Variants in ZNF483 observed in about 807,000 individuals in gnomAD.
ZNF483 encodes zinc finger protein HIT-10.
ZNF483 carries 9 observed loss-of-function variants against 28.6 expected under a neutral mutation model. The observed-to-expected ratio is 0.32, with a 90% CI of 0.19 to 0.55. The LOEUF is 0.55. ZNF483 is among the 20% of genes least tolerant of loss of function. ZNF483 has a pLI of 0.93. For synonymous variants in ZNF483, 322 were observed against 306.2 expected (o/e 1.05, Z -0.54); for missense variants, 675 against 871.7 (o/e 0.77, Z 2.84).
rs1380736759 is a variant in ZNF483, at chr9:111,545,895, G to A, written c.*2725G>A. ...AGTGTACAAGTCTTTGTGTGGACAT[G>A]TTTTCATTTTTCTTAGGCAGATGCC... On this transcript the variant is annotated 3_prime_UTR_variant, in exon 6 of 6. Coordinates refer to ENST00000309235, the MANE Select transcript of ZNF483 (RefSeq NM_133464.5). 6.6e-6 allele frequency among the ~76,000 whole-genome samples: 1 copy of A among 152,146 alleles called. No individual in the cohort carries two copies. The highest frequency in any genetic ancestry group is 1.5e-5 in the Non-Finnish European group (1 of 68,006).
rs571346579 is a variant in ZNF483 at position 111,526,042 on chromosome 9, C to T, written c.-129+780C>T. 2.0e-4 allele frequency among the ~76,000 whole-genome samples: 30 copies of T among 152,248 alleles called. 1 individual carries two copies. In the South Asian group the frequency reaches 6.0e-3, roughly 30 times the overall value. ...CAGCTCATGGCCCCTGGTCTCGTTC[C>T]AGCTCATTGTAGTTGCTCCGTCACT... On this transcript the variant is annotated intron_variant, in intron 1 of 5. Transcript: ENST00000309235.
intron 5 of ZNF483, among the ~76,000 whole-genome samples, chr9:111,561,424 C>A (rs1411664031): frequency 6.6e-6 from 1 of 151,976 alleles, no homozygotes; most frequent in Non-Finnish European, 1.5e-5. Context: ...TATAGGCACA[C>A]ACCATGCCCA....
chr9:111,561,179 A>AGAGAGAGAGAG (rs1828309828), intron 5 of ZNF483, among the ~76,000 whole-genome samples: 2 of 45,542 alleles, frequency 4.4e-5, no homozygotes, highest in South Asian at 6.8e-4. Context: ...GAGAGAGAGA[A>AGAGAGAGAGAG]AGAGAGAGAG....
chr9:111,536,454 A>G (rs1229928898), intron 5 of ZNF483, among the ~76,000 whole-genome samples: 1 of 152,066 alleles, frequency 6.6e-6, no homozygotes, highest in Non-Finnish European at 1.5e-5. Context: ...GAACCTGGGA[A>G]GTGGAGCTTG....
Position 111,552,732 on chromosome 9 carries a change from A to C in ZNF483, c.*9562A>C, listed in dbSNP as rs1291776355. On this transcript the variant is annotated 3_prime_UTR_variant, in exon 6 of 6. Transcript: ENST00000309235. ...GGCAGTGTCTTGTATCAAACAGTTCATCTAAGGCTAAAGAAAAATACTTGA... is the reference window on the plus strand; with the variant it reads ...GGCAGTGTCTTGTATCAAACAGTTCCTCTAAGGCTAAAGAAAAATACTTGA... Among the ~76,000 whole-genome samples, 1 of 152,208 alleles carries C rather than the reference A, an allele frequency of 6.6e-6. No homozygotes were observed. Among genetic ancestry groups the C allele is most frequent in the Non-Finnish European group, 1.5e-5 (1 of 68,018 alleles).
downstream of ZNF483, among the ~76,000 whole-genome samples, chr9:111,557,825 A>G (rs1246479624): frequency 6.6e-6 from 1 of 152,160 alleles, no homozygotes; most frequent in African/African-American, 2.4e-5. Context: ...TTGGTAATTA[A>G]AAAGTATTCT....
intron 5 of ZNF483, among the ~76,000 whole-genome samples, chr9:111,538,898 G>A (rs1827591679): frequency 6.6e-6 from 1 of 151,996 alleles, no homozygotes; most frequent in Non-Finnish European, 1.5e-5. Context: ...GATCACCTGA[G>A]GTCAGGAGTT....
rs1589277146 is a variant in ZNF483, at chr9:111,543,985, T to TC, written c.*818dup. On this transcript the variant is annotated 3_prime_UTR_variant, in exon 6 of 6. Coordinates refer to ENST00000309235, the MANE Select transcript of ZNF483 (RefSeq NM_133464.5). ...ACTTTTTGAAAACTTCGTGCAGGAA[T>TC]CCCTCAAATGCTGTAACTAGGAATG... is the stretch of plus-strand genomic sequence containing the variant. 1.0e-6 allele frequency: 1 copy of TC among 985,246 alleles called. No individual in the cohort carries two copies. Among genetic ancestry groups the TC allele is most frequent in the Non-Finnish European group, 1.2e-6 (1 of 829,946 alleles). The allele number at this position is 985,246 out of a possible 1,614,324, so 61.0% of individuals were successfully genotyped here.
chr9:111,576,622 T>G (rs1829067478), exon 6 of ZNF483: 1 of 537,442 alleles, frequency 1.9e-6, no homozygotes, highest in Non-Finnish European at 3.3e-6. Flanking sequence ...TAAAAGCTAC[T>G]AGGATGAGTT....
chr9:111,571,135 C>T (rs552180024), intron 5 of ZNF483, among the ~76,000 whole-genome samples: 2 of 149,764 alleles, frequency 1.3e-5, no homozygotes, highest in South Asian at 2.2e-4. Flanking sequence ...TGTGTGGGGT[C>T]GGGTGCGTGG....
At chr9:111,577,154 C>T (rs1448982487) in exon 6 of ZNF483, 1 of 151,744 alleles carries the variant, frequency 6.6e-6, no homozygotes, top group East Asian at 1.9e-4. Flanking sequence ...AGATTTTGAA[C>T]AGATATTTCT....
At chr9:111,558,080 G>A (rs1427504733), downstream of ZNF483, among the ~76,000 whole-genome samples, 1 of 152,096 alleles carries the variant, frequency 6.6e-6, no homozygotes, top group Non-Finnish European at 1.5e-5. Flanking sequence ...CCGGGAGGCG[G>A]AGTTTGCACT....
chr9:111,572,182 C>A (rs1177276340), intron 5 of ZNF483, among the ~76,000 whole-genome samples: 1 of 152,198 alleles, frequency 6.6e-6, no homozygotes, highest in Non-Finnish European at 1.5e-5. Flanking sequence ...AAATATGAAG[C>A]TTTGTCCTGA....
downstream of ZNF483, among the ~76,000 whole-genome samples, chr9:111,558,236 T>C (rs944608763): frequency 1.3e-5 from 2 of 152,252 alleles, no homozygotes; most frequent in African/African-American, 4.8e-5. Context: ...GGTTTCCCTT[T>C]TTAATTCAAT....
Position 111,553,275 on chromosome 9 carries a change from T to C in ZNF483, c.*10105T>C, listed in dbSNP as rs1351224935. Reference sequence around the variant, plus strand: ...ATCATTAAATGTGCACTATACTGTCTCTAGTCTTCTTGACTATGCCAGTTG... The same window carrying C: ...ATCATTAAATGTGCACTATACTGTCCCTAGTCTTCTTGACTATGCCAGTTG... On this transcript the variant is annotated 3_prime_UTR_variant, in exon 6 of 6. Transcript: ENST00000309235. Among the ~76,000 whole-genome samples the C allele has an allele frequency of 2.6e-5, 4 of 152,262 alleles. No individual in the cohort carries two copies. The highest frequency in any genetic ancestry group is 9.6e-5 in the African/African-American group (4 of 41,478).
rs1015908576 is a variant in ZNF483 at position 111,553,246 on chromosome 9, A to T, written c.*10076A>T. ...TCTGCTGCAGTAAATTGCAATTGCC[A>T]TTCATCATTAAATGTGCACTATACT... On this transcript the variant is annotated 3_prime_UTR_variant, in exon 6 of 6. Coordinates refer to ENST00000309235, the MANE Select transcript of ZNF483 (RefSeq NM_133464.5). Among the ~76,000 whole-genome samples the T allele has an allele frequency of 5.9e-5, 9 of 152,232 alleles. No individual in the cohort carries two copies. Among genetic ancestry groups the T allele is most frequent in the African/African-American group, 2.2e-4 (9 of 41,456 alleles).
rs146469061 is a variant in ZNF483 at position 111,570,089 on chromosome 9, A to G, written c.722-6276A>G. 8.6e-4 allele frequency: 1,395 copies of G among 1,614,024 alleles called. No individual in the cohort carries two copies. The highest frequency in any genetic ancestry group is 1.0e-3 in the Non-Finnish European group (1,189 of 1,179,972). ...GGAAGGGGTGGCTCCGGAGCTCCTT[A>G]CCTCTAAGACCCATTTCAGCAAGTC... On this transcript the variant is annotated intron_variant, in intron 5 of 5. Transcript: ENST00000358151.
In ZNF483 at chr9:111,535,550, G is replaced by C. The variant is rs1401976302; in HGVS notation, c.721+1197G>C. On this transcript the variant is annotated intron_variant, in intron 5 of 5. Coordinates refer to ENST00000309235, the MANE Select transcript of ZNF483 (RefSeq NM_133464.5). The stretch of plus-strand genomic sequence containing the variant: ...GGTTATCTTTGAAGAATTAGGTTTT[G>C]TTTTGTTTTCTTGAGATGGAGTCTT... Among the ~76,000 whole-genome samples, 3 of 152,286 alleles carry C rather than the reference G, an allele frequency of 2.0e-5. No homozygotes were observed. The East Asian group carries it at 5.8e-4, about 29-fold the overall frequency.
chr9:111,564,294 TA>T, intron 5 of ZNF483: 1 of 608,706 alleles, frequency 1.6e-6, no homozygotes, highest in Non-Finnish European at 2.2e-6. Context: ...TTATTATTAT[TA>T]TTATTATTAT....
Sources: allele counts gnomAD v4.1 joint callset (sites outside exome capture counted in the v4.1 genomes callset), GRCh38; gene constraint gnomAD v4.1.1; transcripts MANE v1.5; gene names NCBI Gene and HGNC (gene_info 2026-07-23, HGNC 2026-07-21).